NUP214: variants seen among roughly 807,000 people sequenced by gnomAD.
The protein encoded by NUP214 is nucleoporin 214.
NUP214 carries 79 observed loss-of-function variants against 196.2 expected under a neutral mutation model. That is an observed-to-expected ratio of 0.40 (90% confidence interval 0.34 to 0.49). NUP214 has a LOEUF of 0.49. NUP214 is among the 20% of genes least tolerant of loss of function. The probability of loss-of-function intolerance (pLI) is 0.58; values close to 1 mark genes in which losing one functional copy is unlikely to be tolerated. For missense variants in NUP214, 2,468 were observed against 2,539.0 expected (o/e 0.97, Z 0.60); for synonymous variants, 1,020 against 990.5 (o/e 1.03, Z -0.56).
intron 30 of NUP214, 96 bp downstream of exon 30, chr9:131,201,813 C>A: frequency 9.6e-7 from 1 of 1,044,098 alleles, no homozygotes. Flanking sequence ...ATATCTAAAT[C>A]CAGCAAATAT....
rs779666064 is a variant in NUP214 at position 131,129,342 on chromosome 9, AT to A, written c.459del (p.Ile153MetfsTer3). ...KLLKDAGGMV[I>X]DMKWNPTVPS... ...TTTGAAAGATGCAGGAGGCATGGTG[AT>A]TGATATGAAGTGGAACCCCACTGTC... is the stretch of plus-strand genomic sequence containing the variant. On this transcript the variant is annotated frameshift_variant, in exon 4 of 36. Transcript: ENST00000359428. LOFTEE classifies it high-confidence loss of function. 1.9e-6 allele frequency: 3 copies of A among 1,614,214 alleles called. No homozygotes were observed. The highest frequency in any genetic ancestry group is 2.5e-6 in the Non-Finnish European group (3 of 1,180,042).
At chr9:131,175,347 A>T in intron 22 of NUP214, 113 bp from the exon 23 acceptor site, 1 of 1,222,686 alleles carries the variant, frequency 8.2e-7, no homozygotes, top group African/African-American at 1.5e-5. Flanking sequence ...TTTCTATGTT[A>T]ACGCTAATTT....
Position 131,233,466 on chromosome 9 carries a change from T to G in NUP214, c.6252T>G (p.Gly2084=), listed in dbSNP as rs1408617762. The G allele has an allele frequency of 1.2e-6, 2 of 1,611,888 alleles. No homozygotes were observed. Among genetic ancestry groups the G allele is most frequent in the Non-Finnish European group, 1.7e-6 (2 of 1,179,010 alleles). ...SFGSNNSSVQ[G]FGGWRS ...TGCTTCCTTGCAGGTCTGTCCAGGG[T>G]TTTGGTGGCTGGCGAAGCTGAGGGC... Residue 2084 remains glycine (G), a synonymous_variant, in exon 36 of 36, where the codon GGT becomes GGG. Coordinates refer to ENST00000359428, the MANE Select transcript of NUP214 (RefSeq NM_005085.4).
intron 21 of NUP214, among the ~76,000 whole-genome samples, chr9:131,169,887 G>A (rs1370403753): frequency 6.6e-6 from 1 of 152,116 alleles, no homozygotes; most frequent in South Asian, 2.1e-4. Context: ...GCCTTTCTTG[G>A]TGTTTTACAT....
Position 131,198,022 on chromosome 9 carries a change from G to T in NUP214, c.4528G>T (p.Val1510Phe), listed in dbSNP as rs766386683. Residue 1510 changes from valine (V) to phenylalanine (F), a missense_variant, in exon 29 of 36, where the codon GTC (valine) becomes TTC (phenylalanine). Coordinates refer to ENST00000359428, the MANE Select transcript of NUP214 (RefSeq NM_005085.4). Reference sequence around the variant, plus strand: ...GCCTGAGAAGCCAGGTGACAGTGAGGTCTCAGCATCAGCAGCCTCACTTCT... The same window carrying T: ...GCCTGAGAAGCCAGGTGACAGTGAGTTCTCAGCATCAGCAGCCTCACTTCT... Reference protein sequence around the residue: ...ALPEKPGDSEVSASAASLLEE... With the variant: ...ALPEKPGDSEFSASAASLLEE... The T allele has an allele frequency of 1.8e-5, 29 of 1,614,086 alleles. No homozygotes were observed. The highest frequency in any genetic ancestry group is 2.4e-5 in the Non-Finnish European group (28 of 1,180,042).
intron 22 of NUP214, among the ~76,000 whole-genome samples, chr9:131,174,682 G>C (rs1406650927): frequency 6.6e-6 from 1 of 151,870 alleles, no homozygotes; most frequent in East Asian, 1.9e-4. Context: ...TCAAACTCCT[G>C]ACCTCAGGTG....
rs1364126861 is a variant in NUP214 at position 131,232,530 on chromosome 9, G to A, written c.6239+222G>A. The A allele has an allele frequency of 3.3e-6, 2 of 609,228 alleles. No homozygotes were observed. The highest frequency in any genetic ancestry group is 5.9e-6 in the Non-Finnish European group (2 of 340,412). The allele number at this position is 609,228 out of a possible 1,614,324, so 37.7% of individuals were successfully genotyped here. A position where few individuals can be genotyped will look rare whatever the true frequency, so the allele number is the denominator to read the frequency against. ...GCCAGGCCTCGCCTTCTTAAGAGGCGTGGTTCAAAGAGAAAAGAGCACGCC... is the reference window on the plus strand; with the variant it reads ...GCCAGGCCTCGCCTTCTTAAGAGGCATGGTTCAAAGAGAAAAGAGCACGCC... On this transcript the variant is annotated intron_variant, in intron 35 of 35. Transcript: ENST00000359428. This position sits in a 1 kb window ranked among gnomAD's most constrained non-coding sequence, Gnocchi z 5.1.
chr9:131,225,121 C>T (rs879781213), intron 32 of NUP214, among the ~76,000 whole-genome samples: 13 of 151,802 alleles, frequency 8.6e-5, no homozygotes, highest in Non-Finnish European at 1.8e-4. Context: ...AAAATCACAC[C>T]TAATTCAGAC....
rs776515914 is a variant in NUP214 at position 131,132,666 on chromosome 9, A to G, written c.727+7A>G. 9 of 1,612,844 alleles carry G rather than the reference A, an allele frequency of 5.6e-6. No homozygotes were observed. The highest frequency in any genetic ancestry group is 1.7e-5 in the Admixed American group (1 of 60,004). On this transcript the variant is annotated splice_region_variant and intron_variant, in intron 6 of 35. Coordinates refer to ENST00000359428, the MANE Select transcript of NUP214 (RefSeq NM_005085.4). ...TCAGATCATCCTGTCAGAGGTAACA[A>G]CTGCTTTTCTTATTGGGCTGACCTC...
chr9:131,166,395 A>G (rs1268566802), intron 21 of NUP214, among the ~76,000 whole-genome samples: 2 of 152,206 alleles, frequency 1.3e-5, no homozygotes, highest in South Asian at 2.1e-4. Flanking sequence ...CATTCATTCA[A>G]TAAATATGAT....
Position 131,147,530 on chromosome 9 carries a change from G to A in NUP214, c.1986G>A (p.Met662Ile). ...GCAGTTCAAGCCCAGTGCCCTCAAT[G>A]GTACAGAAATCACCCAGGATAACCC... The part of the protein sequence containing the change: ...AQGSSSPVPS[M>I]VQKSPRITPP... The change falls in exon 14 of 36, where the codon ATG (methionine) becomes ATA (isoleucine). Residue 662 changes from methionine (M) to isoleucine (I), a missense_variant. Met to Ile is a conservative substitution (Grantham distance 10, BLOSUM62 1). Around this residue, in one of 5 missense-constraint regions of NUP214, gnomAD observed 1,801 missense variants for 1,779.4 expected, o/e 1.01. Coordinates refer to ENST00000359428, the MANE Select transcript of NUP214 (RefSeq NM_005085.4). 1 of 1,614,096 alleles carries A rather than the reference G, an allele frequency of 6.2e-7. No homozygotes were observed.
intron 31 of NUP214, among the ~76,000 whole-genome samples, chr9:131,215,609 TG>T (rs1834370829): frequency 6.6e-6 from 1 of 152,112 alleles, no homozygotes. Flanking sequence ...TGTATTGAGC[TG>T]CTCCCCTCTT....
rs775341163 is a variant in NUP214, at chr9:131,198,594, A to G, written c.5100A>G (p.Thr1700=). ...TGSTASTAAA[T]PQVSSSGFSS... ...GCACAGCCAGCACAGCAGCTGCCAC[A>G]CCACAGGTCAGCAGCTCAGGGTTTA... Residue 1700 remains threonine, a synonymous_variant, in exon 29 of 36, where the codon ACA becomes ACG. Coordinates refer to ENST00000359428, the MANE Select transcript of NUP214 (RefSeq NM_005085.4). The G allele has an allele frequency of 2.5e-6, 4 of 1,614,174 alleles. No homozygotes were observed. Among genetic ancestry groups the G allele is most frequent in the Non-Finnish European group, 3.4e-6 (4 of 1,180,028 alleles).
intron 25 of NUP214, among the ~76,000 whole-genome samples, chr9:131,187,707 C>CA (rs1223159052): frequency 2.6e-5 from 4 of 152,144 alleles, no homozygotes; most frequent in African/African-American, 9.7e-5. Flanking sequence ...TTTTAACATT[C>CA]ATGCCGTGTC....
At chr9:131,160,315 C>T (rs978267492) in intron 18 of NUP214, among the ~76,000 whole-genome samples, 2 of 152,050 alleles carry the variant, frequency 1.3e-5, no homozygotes, top group Non-Finnish European at 2.9e-5. Flanking sequence ...ATCTGCAAAA[C>T]GGGATTAAGG....
At chr9:131,175,105 TAC>T (rs1411905375) in intron 22 of NUP214, among the ~76,000 whole-genome samples, 2 of 152,192 alleles carry the variant, frequency 1.3e-5, no homozygotes, top group African/African-American at 4.8e-5. Flanking sequence ...ACACTTTCAG[TAC>T]AGTGTCAGGG....
rs910804984 is a variant in NUP214 at position 131,222,651 on chromosome 9, C to A, written c.5750-127C>A. ...TGTTGCTGTCACTGTCGCTCCGCTC[C>A]CTTGGCTTCTAGGCGGCTTGTCACT... On this transcript the variant is annotated intron_variant, in intron 31 of 35. Transcript: ENST00000359428. 22 of 1,117,056 alleles carry A rather than the reference C, an allele frequency of 2.0e-5. No homozygotes were observed. The African/African-American group carries it at 3.3e-4, about 17-fold the overall frequency. 69.2% of individuals were successfully genotyped at this position (1,117,056 alleles called of 1,614,324 possible).
In NUP214 at chr9:131,125,802, G is replaced by A. The variant is rs748779870; in HGVS notation, c.45+53G>A. The A allele has an allele frequency of 1.8e-5, 28 of 1,542,966 alleles. No homozygotes were observed. The highest frequency in any genetic ancestry group is 2.3e-5 in the Non-Finnish European group (26 of 1,140,412). ...CTTCTTTAGTCCTGGCGTTGCCTTG[G>A]AGCCCAGCTGAAAGGCGAAGCGCGG... On this transcript the variant is annotated intron_variant, in intron 1 of 35. Coordinates refer to ENST00000359428, the MANE Select transcript of NUP214 (RefSeq NM_005085.4). This position sits in a 1 kb window ranked among gnomAD's most constrained non-coding sequence, Gnocchi z 4.1.
At chr9:131,149,360 C>G (rs1832183467) in intron 14 of NUP214, among the ~76,000 whole-genome samples, 1 of 151,642 alleles carries the variant, frequency 6.6e-6, no homozygotes, top group African/African-American at 2.4e-5. Context: ...AAGCAGAACT[C>G]TTGATTTCTG....
Sources: allele counts gnomAD v4.1 joint callset (sites outside exome capture counted in the v4.1 genomes callset), GRCh38; gene constraint gnomAD v4.1.1; regional missense constraint gnomAD v4.1.1; non-coding constraint Gnocchi (gnomAD v3.1); transcripts MANE v1.5; gene names NCBI Gene and HGNC (gene_info 2026-07-23, HGNC 2026-07-21).